The following LRRIQ3 variants were observed in gnomAD, a reference collection of about 807,000 sequenced individuals.
LRRIQ3 encodes the protein leucine-rich repeat and IQ domain-containing protein 3.
LRRIQ3 carries 75 observed loss-of-function variants against 59.3 expected under a neutral mutation model. That is an observed-to-expected ratio of 1.26 (90% CI 1.05 to 1.53). LRRIQ3 has a LOEUF of 1.53. Among genes scored for constraint, LRRIQ3 ranks in the 40% most tolerant of loss-of-function variants. The pLI, the probability that LRRIQ3 is intolerant of heterozygous loss-of-function variation, is 0.00. For synonymous variants in LRRIQ3, 250 were observed against 231.3 expected, an observed-to-expected ratio of 1.08 and a Z score of -0.73; for missense variants, 831 against 710.0, an observed-to-expected ratio of 1.17 and a Z score of -1.94.
chr1:74,151,794 GAGCAAAAT>G (rs1415534725), intron 4 of LRRIQ3, among the ~76,000 whole-genome samples: 1 of 152,056 alleles, frequency 6.6e-6, no homozygotes, highest in Non-Finnish European at 1.5e-5. Context: ...TGAAAAGAGA[GAGCAAAAT>G]ATCCACATTA....
intron 7 of LRRIQ3, among the ~76,000 whole-genome samples, chr1:74,030,848 T>C (rs937248800): frequency 2.0e-5 from 3 of 152,132 alleles, no homozygotes; most frequent in African/African-American, 7.2e-5. Flanking sequence ...GAGAAAACTT[T>C]TGCAATCTAC....
chr1:74,144,671 C>T (rs147662362), intron 4 of LRRIQ3: 125 of 182,694 alleles, frequency 6.8e-4, no homozygotes, highest in African/African-American at 2.7e-3. Flanking sequence ...AATATGTAGG[C>T]GCTGGAGTGT....
chr1:74,027,783 A>G (rs983210021), intron 7 of LRRIQ3, among the ~76,000 whole-genome samples: 3 of 152,068 alleles, frequency 2.0e-5, no homozygotes, highest in African/African-American at 7.2e-5. Flanking sequence ...GATGCTGGAG[A>G]CATAAATATG....
At chr1:74,132,953 G>T (rs1279470918) in intron 4 of LRRIQ3, among the ~76,000 whole-genome samples, 1 of 152,040 alleles carries the variant, frequency 6.6e-6, no homozygotes, top group Non-Finnish European at 1.5e-5. Flanking sequence ...GAAAAATTTT[G>T]CAATCTACTC....
intron 6 of LRRIQ3, among the ~76,000 whole-genome samples, chr1:74,068,268 A>G (rs1348940742): frequency 1.3e-5 from 2 of 152,138 alleles, no homozygotes; most frequent in African/African-American, 2.4e-5. Flanking sequence ...TCAACAGTTT[A>G]GTACAGTGAA....
intron 7 of LRRIQ3, among the ~76,000 whole-genome samples, chr1:74,031,721 C>A (rs1170639593): frequency 6.6e-6 from 1 of 151,938 alleles, no homozygotes; most frequent in Non-Finnish European, 1.5e-5. Context: ...TGTAACAAAC[C>A]TGCACGTTGT....
At chr1:74,152,591 C>T (rs1446799348) in intron 4 of LRRIQ3, among the ~76,000 whole-genome samples, 3 of 152,086 alleles carry the variant, frequency 2.0e-5, no homozygotes, top group Admixed American at 2.0e-4. Context: ...GTGAATAACC[C>T]TCTGTGTTGG....
chr1:74,165,934 A>C (rs1648956581), intron 3 of LRRIQ3, among the ~76,000 whole-genome samples: 1 of 151,596 alleles, frequency 6.6e-6, no homozygotes, highest in Admixed American at 6.6e-5. Context: ...ATCATAGTAT[A>C]TATTTTTATA....
intron 6 of LRRIQ3, among the ~76,000 whole-genome samples, chr1:74,059,553 C>T (rs1169203733): frequency 6.6e-6 from 1 of 152,028 alleles, no homozygotes; most frequent in Non-Finnish European, 1.5e-5. Context: ...TTGCCTTGAT[C>T]TAAATGTCTT....
intron 4 of LRRIQ3, among the ~76,000 whole-genome samples, chr1:74,144,042 T>C (rs1417892117): frequency 6.6e-6 from 1 of 151,860 alleles, no homozygotes; most frequent in Non-Finnish European, 1.5e-5. Context: ...TAAATAGATG[T>C]TGGTGTTTAA....
chr1:74,069,649 A>G (rs921955898), intron 6 of LRRIQ3, among the ~76,000 whole-genome samples: 7 of 152,064 alleles, frequency 4.6e-5, no homozygotes, highest in Non-Finnish European at 8.8e-5. Flanking sequence ...CTAAAATGTC[A>G]CATACAAGTA....
At chr1:74,123,678 C>A (rs1646894548) in intron 4 of LRRIQ3, among the ~76,000 whole-genome samples, 1 of 151,890 alleles carries the variant, frequency 6.6e-6, no homozygotes, top group African/African-American at 2.4e-5. Flanking sequence ...TGTATATGTA[C>A]CACATTTTCT....
At chr1:74,145,935 T>C (rs1462878784) in intron 4 of LRRIQ3, among the ~76,000 whole-genome samples, 3 of 152,140 alleles carry the variant, frequency 2.0e-5, no homozygotes, top group South Asian at 2.1e-4. Context: ...TTCCAGTCAA[T>C]GACAAACTGC....
At chr1:74,180,842 C>G (rs1183448281) in intron 3 of LRRIQ3, 33 of 1,520,482 alleles carry the variant, frequency 2.2e-5, no homozygotes, top group Non-Finnish European at 2.8e-5. Context: ...TCAAAAAGGC[C>G]TTCCCCATCC....
chr1:74,162,692 T>C (rs1236605043), intron 3 of LRRIQ3, among the ~76,000 whole-genome samples: 1 of 151,844 alleles, frequency 6.6e-6, no homozygotes, highest in Non-Finnish European at 1.5e-5. Context: ...TGTACTTATA[T>C]AATTTTTATC....
intron 3 of LRRIQ3, among the ~76,000 whole-genome samples, chr1:74,157,340 G>A (rs1648398023): frequency 1.3e-5 from 2 of 151,936 alleles, no homozygotes; most frequent in Admixed American, 6.6e-5. Context: ...AAAACAAGAA[G>A]TAACTCTTTT....
chr1:74,140,183 TAGAC>T (rs1457695111), intron 4 of LRRIQ3, among the ~76,000 whole-genome samples: 6 of 151,868 alleles, frequency 4.0e-5, no homozygotes, highest in African/African-American at 1.2e-4. Flanking sequence ...ATGAGCTAGA[TAGAC>T]AGATAAAGAT....
At chr1:74,074,814 T>C in intron 5 of LRRIQ3, 24 bp from the exon 6 acceptor site, 1 of 1,169,976 alleles carries the variant, frequency 8.5e-7, no homozygotes, top group Middle Eastern at 2.1e-4. Context: ...ATAAAAGCAA[T>C]GACAATGATA....
intron 3 of LRRIQ3, among the ~76,000 whole-genome samples, chr1:74,161,021 G>A (rs181652906): frequency 5.3e-4 from 81 of 152,114 alleles, no homozygotes; most frequent in Non-Finnish European, 2.6e-4. Context: ...AGTCTGGGTA[G>A]CTTATAAACA....
Sources: gnomAD v4.1 joint callset for allele counts (sites outside exome capture counted in the v4.1 genomes callset) on GRCh38, gnomAD v4.1.1 for gene constraint, MANE v1.5 for transcripts, NCBI Gene and HGNC (gene_info 2026-07-23, HGNC 2026-07-21) for gene names.